The following DNAH6 variants were observed in gnomAD, a reference collection of about 807,000 sequenced individuals.
DNAH6 encodes the protein axonemal beta dynein heavy chain 6.
Under a neutral mutation model 491.4 loss-of-function variants are expected in DNAH6, and 340 were observed. The ratio of observed to expected loss-of-function variants is 0.69; its 90% CI spans 0.63 to 0.76. DNAH6 has a LOEUF of 0.76. Among genes scored for constraint, DNAH6 ranks in the 30% least tolerant of loss-of-function variants. DNAH6 has a pLI of 0.00. For missense variants in DNAH6, 4,443 were observed against 4,972.2 expected (o/e 0.89, Z 3.20); for synonymous variants, 1,603 against 1,686.1 (o/e 0.95, Z 1.21).
chr2:84,556,208 G>T (rs1159260640), intron 10 of DNAH6, among the ~76,000 whole-genome samples: 1 of 152,186 alleles, frequency 6.6e-6, no homozygotes, highest in Non-Finnish European at 1.5e-5. Flanking sequence ...TCAACTTCAT[G>T]TAACTCAAGA....
chr2:84,780,276 G>A (rs143060112), intron 64 of DNAH6, among the ~76,000 whole-genome samples: 104 of 152,284 alleles, frequency 6.8e-4, no homozygotes, highest in Non-Finnish European at 2.4e-4. Context: ...TGCCAGTATG[G>A]CATAGGTTTT....
At chr2:84,670,608 A>G in intron 39 of DNAH6, 133 bp downstream of exon 39, 1 of 704,714 alleles carries the variant, frequency 1.4e-6, no homozygotes, top group South Asian at 2.0e-5. Flanking sequence ...GATTCTGTTC[A>G]TGGCATTTTT....
At chr2:84,504,573 G>A in the DNAH6 span, among the ~76,000 whole-genome samples, 1 of 152,142 alleles carries the variant, frequency 6.6e-6, no homozygotes, top group Admixed American at 6.6e-5. Flanking sequence ...CCAGATATTT[G>A]AAAGGACTTG....
chr2:84,542,377 A>T (rs943184026), intron 4 of DNAH6, among the ~76,000 whole-genome samples: 1 of 152,246 alleles, frequency 6.6e-6, no homozygotes, highest in African/African-American at 2.4e-5. Flanking sequence ...AAAAGGAAAG[A>T]CATGTAAAAT....
At chr2:84,661,253 G>GA (rs1691476956) in intron 37 of DNAH6, among the ~76,000 whole-genome samples, 1 of 151,964 alleles carries the variant, frequency 6.6e-6, no homozygotes, top group South Asian at 2.1e-4. Context: ...GAAATCAAGT[G>GA]AAAGGGTCAC....
chr2:84,816,581 G>A (rs193151618), intron 76 of DNAH6, among the ~76,000 whole-genome samples: 16 of 152,288 alleles, frequency 1.1e-4, no homozygotes, highest in Admixed American at 3.3e-4. Flanking sequence ...AAATTAGCCA[G>A]GCATGGTGGC....
At chr2:84,554,973 A>G (rs1476462449) in intron 10 of DNAH6, among the ~76,000 whole-genome samples, 1 of 152,262 alleles carries the variant, frequency 6.6e-6, no homozygotes, top group African/African-American at 2.4e-5. Flanking sequence ...CTACACATGA[A>G]ACATACATGG....
chr2:84,784,392 C>T (rs1676981315), intron 65 of DNAH6, among the ~76,000 whole-genome samples: 1 of 152,190 alleles, frequency 6.6e-6, no homozygotes, highest in Admixed American at 6.5e-5. Flanking sequence ...TGGGCAATAA[C>T]TGCCCTCTTT....
chr2:84,796,394 A>G lies in DNAH6; in HGVS notation c.11328A>G (p.Thr3776=), dbSNP rs571020716. 5.9e-6 allele frequency: 9 copies of G among 1,529,076 alleles called. No individual in the cohort carries two copies. In the South Asian group the frequency reaches 8.7e-5, roughly 15 times the overall value. The allele number at this position is 1,529,076 out of a possible 1,614,324, so 94.7% of individuals were successfully genotyped here. A position where few individuals can be genotyped will look rare whatever the true frequency, so the allele number is the denominator to read the frequency against. Residue 3776 remains threonine (T), a synonymous_variant, in exon 69 of 77, where the codon ACA becomes ACG. Transcript: ENST00000389394. The stretch of plus-strand genomic sequence containing the variant: ...TGAAAAGATTTTTTTCTCCTGAAAC[A>G]TTAGAAGAAGATTATAAATACTCTG... The part of the protein sequence containing the change: ...TILKRFFSPE[T]LEEDYKYSES...
At chr2:84,747,019 C>G (rs942645998) in intron 63 of DNAH6, among the ~76,000 whole-genome samples, 2 of 152,160 alleles carry the variant, frequency 1.3e-5, no homozygotes, top group African/African-American at 4.8e-5. Context: ...GGATCCATCT[C>G]CATGACTCAA....
the DNAH6 span, among the ~76,000 whole-genome samples, chr2:84,508,573 C>T: frequency 6.6e-6 from 1 of 152,036 alleles, no homozygotes; most frequent in African/African-American, 2.4e-5. Flanking sequence ...TCCTTTAGTT[C>T]TGCTCTGATC....
chr2:84,795,481 A>G (rs1013672114), intron 68 of DNAH6, among the ~76,000 whole-genome samples: 3 of 141,290 alleles, frequency 2.1e-5, no homozygotes, highest in African/African-American at 8.7e-5. Flanking sequence ...TTATAAAACA[A>G]AACAAAAAGA....
chr2:84,577,140 T>A (rs1220548086), intron 12 of DNAH6, 117 bp from the exon 13 acceptor site: 1 of 565,512 alleles, frequency 1.8e-6, no homozygotes, highest in African/African-American at 1.9e-5. Context: ...GTACAGATAA[T>A]AACATTATAC....
At chr2:84,465,511 A>G in the DNAH6 span, among the ~76,000 whole-genome samples, 1 of 152,190 alleles carries the variant, frequency 6.6e-6, no homozygotes, top group African/African-American at 2.4e-5. Flanking sequence ...AAAAGAAAAA[A>G]AAAAGAAAAC....
intron 40 of DNAH6, among the ~76,000 whole-genome samples, chr2:84,675,092 C>G (rs1024507321): frequency 2.6e-5 from 4 of 152,314 alleles, no homozygotes; most frequent in South Asian, 4.1e-4. Context: ...CTCCAAATAG[C>G]CTTGCTCACA....
At chr2:84,669,160 A>G in intron 37 of DNAH6, 129 bp from the exon 38 acceptor site, 2 of 702,514 alleles carry the variant, frequency 2.8e-6, no homozygotes, top group East Asian at 2.7e-5. Flanking sequence ...CTATGTATCT[A>G]CAAAGGAAAA....
intron 11 of DNAH6, among the ~76,000 whole-genome samples, chr2:84,567,586 G>A (rs1365104367): frequency 6.6e-6 from 1 of 152,122 alleles, no homozygotes; most frequent in Non-Finnish European, 1.5e-5. Context: ...GGGAGAACTG[G>A]CTAGCCATAT....
chr2:84,702,613 G>T (rs913692165), intron 49 of DNAH6, among the ~76,000 whole-genome samples: 63 of 150,670 alleles, frequency 4.2e-4, no homozygotes, highest in African/African-American at 1.3e-3. Context: ...CATAATCTCG[G>T]CTCACTGCAA....
chr2:84,568,319 C>G (rs1037003726), intron 11 of DNAH6, among the ~76,000 whole-genome samples: 2 of 152,092 alleles, frequency 1.3e-5, no homozygotes, highest in Non-Finnish European at 2.9e-5. Context: ...TGGAATCAAT[C>G]CAAATGCCCA....
Sources: allele counts gnomAD v4.1 joint callset (sites outside exome capture counted in the v4.1 genomes callset), GRCh38; gene constraint gnomAD v4.1.1; transcripts MANE v1.5; gene names NCBI Gene and HGNC (gene_info 2026-07-23, HGNC 2026-07-21).